Variants in ODAD1 observed in about 807,000 individuals in gnomAD.
ODAD1 encodes the protein outer dynein arm-docking complex subunit 1.
Under a neutral mutation model 67.2 loss-of-function variants are expected in ODAD1, and 49 were observed. The observed-to-expected ratio is 0.73, with a 90% CI of 0.58 to 0.92. ODAD1 has a LOEUF of 0.92. Among genes scored for constraint, ODAD1 ranks in the 40% least tolerant of loss-of-function variants. ODAD1 has a pLI of 0.00. For missense variants in ODAD1, 897 were observed against 953.7 expected, an observed-to-expected ratio of 0.94 and a Z score of 0.78; for synonymous variants, 345 against 393.7, an observed-to-expected ratio of 0.88 and a Z score of 1.46.
At chr19:48,317,629 C>A (rs1021502277) in intron 5 of ODAD1, among the ~76,000 whole-genome samples, 2 of 151,962 alleles carry the variant, frequency 1.3e-5, no homozygotes, top group African/African-American at 4.8e-5. Flanking sequence ...CAGCAAACAT[C>A]TATGTTTCCA....
Position 48,303,720 on chromosome 19 carries a change from G to C in ODAD1, c.918C>G (p.Asp306Glu), listed in dbSNP as rs2242463. The change falls in exon 10 of 16, where the codon GAC (aspartate) becomes GAG (glutamate). Residue 306 changes from aspartate (D) to glutamate (E), a missense_variant. Coordinates refer to ENST00000674294, the MANE Select transcript of ODAD1 (RefSeq NM_001364171.2). Reference protein sequence around the residue: ...SQERLVLCYEDALNKLSQLMG... With the variant: ...SQERLVLCYEEALNKLSQLMG... ...TCAGCTGGGACAGTTTATTCAGGGC[G>C]TCCTCGTAGCAAAGCACCAGCCTCT... 2 of 1,613,916 alleles carry C rather than the reference G, an allele frequency of 1.2e-6. No individual in the cohort carries two copies. Among genetic ancestry groups the C allele is most frequent in the Non-Finnish European group, 1.7e-6 (2 of 1,179,922 alleles).
intron 5 of ODAD1, among the ~76,000 whole-genome samples, chr19:48,316,068 C>T (rs1028256321): frequency 4.6e-5 from 7 of 152,214 alleles, no homozygotes; most frequent in East Asian, 1.9e-4. Context: ...GTCAAGTATA[C>T]GTTTTGTTTT....
intron 7 of ODAD1, among the ~76,000 whole-genome samples, chr19:48,307,666 T>C (rs2147322766): frequency 6.6e-6 from 1 of 151,836 alleles, no homozygotes; most frequent in Non-Finnish European, 1.5e-5. Flanking sequence ...ATACAAAAAA[T>C]TAGCCGGGCG....
rs1281163225 is a variant in ODAD1 at position 48,312,010 on chromosome 19, T to C, written c.467A>G (p.Glu156Gly). Residue 156 changes from glutamate (E) to glycine (G), a missense_variant, in exon 6 of 16, where the codon GAA becomes GGA. By Grantham distance (98) the Glu-to-Gly change is moderately conservative. Coordinates refer to ENST00000674294, the MANE Select transcript of ODAD1 (RefSeq NM_001364171.2). ...GACCCTCACCCTGTCCAACTGGTTT[T>C]CTAGGATCCTGATCCTTCGCCTGAT... is the stretch of plus-strand genomic sequence containing the variant. The part of the protein sequence containing the change: ...VKIRRRIRIL[E>G]NQLDRVTCHF... The C allele has an allele frequency of 2.0e-5, 31 of 1,551,340 alleles. No homozygotes were observed. In the East Asian group the frequency reaches 7.3e-4, roughly 37 times the overall value.
In ODAD1 at chr19:48,298,112, AG is replaced by A; in HGVS notation, c.1405-16del. The A allele has an allele frequency of 6.2e-7, 1 of 1,612,386 alleles. No homozygotes were observed. Among genetic ancestry groups the A allele is most frequent in the Non-Finnish European group, 8.5e-7 (1 of 1,179,636 alleles). On this transcript the variant is annotated splice_polypyrimidine_tract_variant and intron_variant, in intron 13 of 15. Coordinates refer to ENST00000674294, the MANE Select transcript of ODAD1 (RefSeq NM_001364171.2). Reference sequence around the variant, plus strand: ...GAGGTGAAGCTCTGGAGAGTGTGGGAGCCTGCGGTCAGCTGGGCCACCCCCG... The same window carrying A: ...GAGGTGAAGCTCTGGAGAGTGTGGGACCTGCGGTCAGCTGGGCCACCCCCG...
At chr19:48,303,422 G>A in intron 10 of ODAD1, 1 of 607,336 alleles carries the variant, frequency 1.6e-6, no homozygotes, top group Non-Finnish European at 2.9e-6. Flanking sequence ...TTGAGGGAAG[G>A]ATGTGGAGAG....
rs967781141 is a variant in ODAD1 at position 48,307,643 on chromosome 19, G to A, written c.598-1320C>T. Among the ~76,000 whole-genome samples, 20 of 151,818 alleles carry A rather than the reference G, an allele frequency of 1.3e-4. 1 individual carries two copies. The highest frequency in any genetic ancestry group is 4.1e-4 in the African/African-American group (17 of 41,314). On this transcript the variant is annotated intron_variant, in intron 7 of 15. Coordinates refer to ENST00000674294, the MANE Select transcript of ODAD1 (RefSeq NM_001364171.2). Reference sequence around the variant, plus strand: ...ATCCTGGCTAACACGGCAAAACCCCGTCTCTACTAAAAATACAAAAAATTA... The same window carrying A: ...ATCCTGGCTAACACGGCAAAACCCCATCTCTACTAAAAATACAAAAAATTA...
chr19:48,303,006 C>T lies in ODAD1; in HGVS notation c.1071+7G>A. The T allele has an allele frequency of 6.2e-7, 1 of 1,612,682 alleles. No homozygotes were observed. The highest frequency in any genetic ancestry group is 8.5e-7 in the Non-Finnish European group (1 of 1,178,764). ...AGGAGGAGATGGAGAGGGCAGGCCT[C>T]ACTCACCTCCTTGATCTCTTCCTGC... is the stretch of plus-strand genomic sequence containing the variant. On this transcript the variant is annotated splice_region_variant and intron_variant, in intron 11 of 15. Transcript: ENST00000674294.
chr19:48,309,375 T>C (rs1968700626), intron 7 of ODAD1, among the ~76,000 whole-genome samples: 1 of 152,172 alleles, frequency 6.6e-6, no homozygotes, highest in African/African-American at 2.4e-5. Context: ...CCCATGGAGC[T>C]ACCCTCTCTG....
At position 48,297,968 on chromosome 19, in the gene ODAD1, C is replaced by T. The variant is rs766444914; in HGVS notation, c.1502+32G>A. 1.9e-6 allele frequency: 3 copies of T among 1,550,542 alleles called. No individual in the cohort carries two copies. In the South Asian group the frequency reaches 3.4e-5, roughly 17 times the overall value. Reference sequence around the variant, plus strand: ...CCCTCTGCCCCCATGGAAGCCCCGTCCCCTCTGCGTCCCTCCTGCCCTGCG... The same window carrying T: ...CCCTCTGCCCCCATGGAAGCCCCGTTCCCTCTGCGTCCCTCCTGCCCTGCG... On this transcript the variant is annotated intron_variant, in intron 14 of 15. Transcript: ENST00000674294.
At chr19:48,320,186 C>T (rs1357434158) in intron 3 of ODAD1, 113 bp downstream of exon 3, 16 of 885,128 alleles carry the variant, frequency 1.8e-5, no homozygotes, top group Non-Finnish European at 2.0e-5. Context: ...TCTGTTCCCA[C>T]CAGAGGGCGC....
chr19:48,299,748 C>T (rs112036931), intron 12 of ODAD1, among the ~76,000 whole-genome samples: 2,384 of 152,044 alleles, frequency 0.016, 66 homozygotes, highest in African/African-American at 0.055. Flanking sequence ...TTGCAGTGAG[C>T]CGAGATCGTG....
At chr19:48,314,753 C>G (rs1164279279) in intron 5 of ODAD1, among the ~76,000 whole-genome samples, 1 of 151,940 alleles carries the variant, frequency 6.6e-6, no homozygotes, top group Non-Finnish European at 1.5e-5. Context: ...CCAGCCTGGC[C>G]AAAATGGTGA....
rs754968402 is a variant in ODAD1, at chr19:48,318,729, G to T, written c.154C>A (p.Arg52Ser). 1 of 1,550,422 alleles carries T rather than the reference G, an allele frequency of 6.4e-7. No individual in the cohort carries two copies. The highest frequency in any genetic ancestry group is 8.7e-7 in the Non-Finnish European group (1 of 1,146,028). ...CCAGCTCACAGTTGCTTGTTGATGC[G>T]CTGGTGGACTTCCTTGCTGTAGGCC... ...RRAYSKEVHQRINKQLEEIRR... is the reference protein window; with the variant it reads ...RRAYSKEVHQSINKQLEEIRR... The change falls in exon 4 of 16, where the codon CGC becomes AGC. Residue 52 changes from arginine (R) to serine (S), a missense_variant. Coordinates refer to ENST00000674294, the MANE Select transcript of ODAD1 (RefSeq NM_001364171.2).
At chr19:48,307,189 G>GA (rs550722862) in intron 7 of ODAD1, among the ~76,000 whole-genome samples, 22 of 119,396 alleles carry the variant, frequency 1.8e-4, no homozygotes, top group South Asian at 7.7e-4. Context: ...CATCTCAAAA[G>GA]AAAAAAAAAA....
chr19:48,307,197 A>AAAAG lies in ODAD1; in HGVS notation c.598-878_598-875dup, dbSNP rs374738840. Among the ~76,000 whole-genome samples, 568 of 152,132 alleles carry AAAAG rather than the reference A, an allele frequency of 3.7e-3. 1 individual carries two copies. Among genetic ancestry groups the AAAAG allele is most frequent in the African/African-American group, 0.012 (496 of 41,490 alleles). The stretch of plus-strand genomic sequence containing the variant: ...GAGACTCCATCTCAAAAGAAAAAAA[A>AAAAG]AAAGAAAGAAAGAAAGAAAGAAAGA... On this transcript the variant is annotated intron_variant, in intron 7 of 15. Coordinates refer to ENST00000674294, the MANE Select transcript of ODAD1 (RefSeq NM_001364171.2).
In ODAD1 at chr19:48,302,820, G is replaced by C. The variant is rs201246509; in HGVS notation, c.1114C>G (p.Gln372Glu). The C allele has an allele frequency of 1.9e-6, 3 of 1,613,906 alleles. No homozygotes were observed. Among genetic ancestry groups the C allele is most frequent in the East Asian group, 2.2e-5 (1 of 44,888 alleles). The change falls in exon 12 of 16, where the codon CAG becomes GAG. Residue 372 changes from glutamine to glutamate, a missense_variant. By Grantham distance (29) the Gln-to-Glu change is conservative (BLOSUM62 2). Coordinates refer to ENST00000674294, the MANE Select transcript of ODAD1 (RefSeq NM_001364171.2). ...LVSARASKDD[Q>E]HLLQEQQQKV... is the part of the protein sequence containing the mutation. ...TGCTGCTGCTCCTGCAGCAAATGCT[G>C]GTCATCCTTGCTGGCACGTGCGCTC...
rs1006419491 is a variant in ODAD1 at position 48,296,757 on chromosome 19, T to A, written c.*219A>T. On this transcript the variant is annotated 3_prime_UTR_variant, in exon 16 of 16. Transcript: ENST00000674294. ...AGCCCAGAGAACAGGAGATCAGGAG[T>A]CAGAGGGAAAAGCAGTGTCAGGAGC... is the stretch of plus-strand genomic sequence containing the variant. The A allele has an allele frequency of 3.0e-5, 41 of 1,365,098 alleles. No individual in the cohort carries two copies. In the African/African-American group the frequency reaches 5.4e-4, roughly 18 times the overall value. 84.6% of individuals were successfully genotyped at this position (1,365,098 alleles called of 1,614,324 possible).
chr19:48,309,086 C>A (rs936666909), intron 7 of ODAD1, among the ~76,000 whole-genome samples: 1 of 152,186 alleles, frequency 6.6e-6, no homozygotes, highest in Non-Finnish European at 1.5e-5. Flanking sequence ...CCACCGCACC[C>A]CCCTCCCCAC....
Sources: allele counts gnomAD v4.1 joint callset (sites outside exome capture counted in the v4.1 genomes callset), GRCh38; gene constraint gnomAD v4.1.1; transcripts MANE v1.5; gene names NCBI Gene and HGNC (gene_info 2026-07-23, HGNC 2026-07-21).